MAOA: variants seen among roughly 807,000 people sequenced by gnomAD.
The protein encoded by MAOA is amine oxidase [flavin-containing] A.
In MAOA, 6 loss-of-function variants were observed where a neutral mutation model predicts 42.0. That is an observed-to-expected ratio of 0.14 (90% CI 0.08 to 0.28). The LOEUF is 0.28. MAOA is among the 10% of genes least tolerant of loss of function. MAOA has a pLI of 1.00. For synonymous variants in MAOA, 140 were observed against 154.0 expected, an observed-to-expected ratio of 0.91 and a Z score of 0.67; for missense variants, 262 against 422.3, an observed-to-expected ratio of 0.62 and a Z score of 3.33.
At chrX:43,672,838 C>T (rs1487674250) in intron 1 of MAOA, among the ~76,000 whole-genome samples, 4 of 111,329 alleles carry the variant, frequency 3.6e-5, no homozygotes, top group African/African-American at 9.8e-5. Context: ...CTGCTGGATT[C>T]GGTTTGCCAG....
At chrX:43,721,013 T>C (rs1158270662) in intron 5 of MAOA, among the ~76,000 whole-genome samples, 1 of 110,586 alleles carries the variant, frequency 9.0e-6, no homozygotes, top group Non-Finnish European at 1.9e-5. Context: ...GGGGCAATGG[T>C]GCCATCCAGA....
intron 3 of MAOA, among the ~76,000 whole-genome samples, chrX:43,708,662 G>GTT (rs758339663): frequency 3.1e-5 from 3 of 96,092 alleles, no homozygotes; most frequent in Non-Finnish European, 4.2e-5. Context: ...TCTTCTTGTT[G>GTT]TTTTTTTTTT....
intron 2 of MAOA, among the ~76,000 whole-genome samples, chrX:43,685,087 A>G (rs1331018064): frequency 9.1e-6 from 1 of 109,667 alleles, no homozygotes; most frequent in East Asian, 2.9e-4. Context: ...CATGTTGGCC[A>G]GGCTTGTTGC....
intron 8 of MAOA, 110 bp downstream of exon 8, chrX:43,731,963 G>A: frequency 1.3e-6 from 1 of 775,629 alleles, no homozygotes; most frequent in East Asian, 3.3e-5. Context: ...CAAACTGGTA[G>A]AAAAAGGATT....
At chrX:43,708,556 A>G (rs1252618548) in intron 3 of MAOA, among the ~76,000 whole-genome samples, 1 of 111,829 alleles carries the variant, frequency 8.9e-6, no homozygotes, top group African/African-American at 3.2e-5. Flanking sequence ...GTTTTCTGTG[A>G]AACGAGAACA....
Position 43,673,539 on chromosome X carries a change from G to A in MAOA, c.74-9974G>A, listed in dbSNP as rs745865015. Among the ~76,000 whole-genome samples, 445 of 108,533 alleles carry A rather than the reference G, an allele frequency of 4.1e-3. 3 individuals are homozygous for A. The highest frequency in any genetic ancestry group is 0.014 in the African/African-American group (423 of 29,800). 94.2% of individuals were successfully genotyped at this position (108,533 alleles called of 115,157 possible). ...TCTAGTTCTTTTAATTGTGATGTTA[G>A]GGTGTCAATTTTGGATCTTTCCTGC... On this transcript the variant is annotated intron_variant, in intron 1 of 14. Transcript: ENST00000338702.
At chrX:43,696,496 G>A (rs1201273218) in intron 3 of MAOA, among the ~76,000 whole-genome samples, 2 of 111,738 alleles carry the variant, frequency 1.8e-5, no homozygotes, top group Admixed American at 9.4e-5. Flanking sequence ...TTGGGAGGCC[G>A]AGGCGGGCAG....
intron 1 of MAOA, among the ~76,000 whole-genome samples, chrX:43,676,476 T>A (rs950329360): frequency 9.0e-6 from 1 of 111,239 alleles, no homozygotes; most frequent in East Asian, 2.8e-4. Context: ...TGTCTGGCAC[T>A]CCCTAGTGAG....
intron 1 of MAOA, among the ~76,000 whole-genome samples, chrX:43,666,695 T>C (rs897908655): frequency 9.0e-6 from 1 of 110,998 alleles, no homozygotes. Context: ...AAGCCTCCAG[T>C]AGCCCCCATC....
chrX:43,689,594 C>A (rs753941371), intron 2 of MAOA, among the ~76,000 whole-genome samples: 6 of 112,067 alleles, frequency 5.4e-5, no homozygotes, highest in African/African-American at 1.6e-4. Flanking sequence ...GTTGTGAGCA[C>A]CCTTCTTCCA....
At chrX:43,726,889 T>C (rs1303598336) in intron 5 of MAOA, among the ~76,000 whole-genome samples, 1 of 111,957 alleles carries the variant, frequency 8.9e-6, no homozygotes, top group Non-Finnish European at 1.9e-5. Flanking sequence ...TTGATGTTGA[T>C]GCTATTCCTT....
chrX:43,689,977 A>AT (rs1428055355), intron 2 of MAOA, among the ~76,000 whole-genome samples: 1 of 109,465 alleles, frequency 9.1e-6, no homozygotes, highest in Non-Finnish European at 1.9e-5. Flanking sequence ...CTAATTGTTG[A>AT]TTTTTTTCAG....
At chrX:43,709,511 G>A (rs2033683966) in intron 3 of MAOA, among the ~76,000 whole-genome samples, 1 of 111,362 alleles carries the variant, frequency 9.0e-6, no homozygotes, top group South Asian at 3.8e-4. Context: ...CTGGGTTCAA[G>A]CAATTCTCCT....
Position 43,711,978 on chromosome X carries a change from T to TA in MAOA, c.411+6dup. The TA allele has an allele frequency of 9.4e-7, 1 of 1,067,491 alleles. No individual in the cohort carries two copies. The highest frequency in any genetic ancestry group is 1.3e-6 in the Non-Finnish European group (1 of 764,711). The allele number at this position is 1,067,491 out of a possible 1,213,427, so 88.0% of individuals were successfully genotyped here. On this transcript the variant is annotated splice_region_variant and intron_variant, in intron 4 of 14. Transcript: ENST00000338702. ...ACAATAGATAACATGGGGAAGGAGG[T>TA]AAAATGTGTGTTCAGTTTGCACATG...
At chrX:43,672,030 G>C (rs968757522) in intron 1 of MAOA, among the ~76,000 whole-genome samples, 6 of 111,277 alleles carry the variant, frequency 5.4e-5, no homozygotes, top group African/African-American at 1.6e-4. Context: ...AAATTACCTT[G>C]GGCAGTATGG....
At chrX:43,721,544 C>T (rs1408078711) in intron 5 of MAOA, among the ~76,000 whole-genome samples, 1 of 110,820 alleles carries the variant, frequency 9.0e-6, no homozygotes, top group Non-Finnish European at 1.9e-5. Flanking sequence ...AAGTAGGAGC[C>T]ACCACTGCTA....
At chrX:43,708,470 C>A (rs779754919) in intron 3 of MAOA, among the ~76,000 whole-genome samples, 61 of 110,895 alleles carry the variant, frequency 5.5e-4, no homozygotes, top group Non-Finnish European at 1.1e-3. Flanking sequence ...TCCAGGCCCC[C>A]CTACTGCACT....
At chrX:43,704,390 C>T (rs900474487) in intron 3 of MAOA, among the ~76,000 whole-genome samples, 13 of 111,580 alleles carry the variant, frequency 1.2e-4, no homozygotes, top group African/African-American at 4.2e-4. Flanking sequence ...ACCAATAGCA[C>T]GTGATCATCT....
intron 1 of MAOA, 118 bp downstream of exon 1, chrX:43,656,532 A>C: frequency 1.5e-6 from 1 of 689,590 alleles, no homozygotes; most frequent in Non-Finnish European, 2.3e-6. Flanking sequence ...TAGTGTAGCC[A>C]TGGCTTGGCC....
Sources: gnomAD v4.1 joint callset for allele counts (sites outside exome capture counted in the v4.1 genomes callset) on GRCh38, gnomAD v4.1.1 for gene constraint, MANE v1.5 for transcripts, NCBI Gene and HGNC (gene_info 2026-07-23, HGNC 2026-07-21) for gene names.